LRRIQ3: variants seen among roughly 807,000 people sequenced by gnomAD.
The protein encoded by LRRIQ3 is leucine-rich repeat and IQ domain-containing protein 3.
In LRRIQ3, 75 loss-of-function variants were observed where a neutral mutation model predicts 59.3. The observed-to-expected ratio is 1.26, with a 90% CI of 1.05 to 1.53. LRRIQ3 has a LOEUF of 1.53. Ranked by LOEUF, LRRIQ3 falls within the 40% of genes most tolerant of loss-of-function variation. The pLI, the probability that LRRIQ3 is intolerant of heterozygous loss-of-function variation, is 0.00. For synonymous variants in LRRIQ3, 250 were observed against 231.3 expected, an observed-to-expected ratio of 1.08 and a Z score of -0.73; for missense variants, 831 against 710.0, an observed-to-expected ratio of 1.17 and a Z score of -1.94.
At chr1:74,111,130 C>CAAAAG (rs983114987) in intron 4 of LRRIQ3, among the ~76,000 whole-genome samples, 2 of 150,874 alleles carry the variant, frequency 1.3e-5, no homozygotes, top group Non-Finnish European at 3.0e-5. Context: ...AGTCAATTGC[C>CAAAAG]AAAAGAAAAG....
At chr1:74,033,765 T>C (rs1328157626) in intron 7 of LRRIQ3, among the ~76,000 whole-genome samples, 1 of 151,916 alleles carries the variant, frequency 6.6e-6, no homozygotes, top group East Asian at 1.9e-4. Context: ...TAAATGAAGA[T>C]GGTAGTATGG....
At chr1:74,082,401 T>C (rs1281529109) in intron 5 of LRRIQ3, 2 of 151,594 alleles carry the variant, frequency 1.3e-5, no homozygotes, top group Non-Finnish European at 3.0e-5. Context: ...TTTACACTGC[T>C]TAAGTAATTT....
rs1160279571 is a variant in LRRIQ3 at position 74,198,014 on chromosome 1, A to G, written c.-19T>C. 6.6e-6 allele frequency: 4 copies of G among 602,384 alleles called. No individual in the cohort carries two copies. Among genetic ancestry groups the G allele is most frequent in the Non-Finnish European group, 1.1e-5 (4 of 367,988 alleles). The allele number at this position is 602,384 out of a possible 1,614,324, so 37.3% of individuals were successfully genotyped here. On this transcript the variant is annotated 5_prime_UTR_variant, in exon 1 of 8. Transcript: ENST00000354431. ...CACTCACCGGGTCAACTGGGCTGCA[A>G]GCCCTTATGAGTTGGAGACAAGTGG...
intron 5 of LRRIQ3, among the ~76,000 whole-genome samples, chr1:74,081,712 C>T (rs1646274606): frequency 1.3e-5 from 2 of 151,236 alleles, no homozygotes; most frequent in Non-Finnish European, 3.0e-5. Context: ...CAATTCTATT[C>T]ACAACCCTAT....
At chr1:74,041,968 C>T (rs1480241276) in intron 6 of LRRIQ3, 35 bp from the exon 7 acceptor site, 29 of 1,502,324 alleles carry the variant, frequency 1.9e-5, no homozygotes, top group Non-Finnish European at 2.6e-5. Context: ...ATACATTATA[C>T]AAGAGCTAAG....
intron 6 of LRRIQ3, among the ~76,000 whole-genome samples, chr1:74,043,759 A>G (rs1654117797): frequency 6.6e-6 from 1 of 152,138 alleles, no homozygotes. Context: ...TACCTTATAC[A>G]CAAACAAAGG....
rs778546001 is a variant in LRRIQ3 at position 74,074,739 on chromosome 1, C to G, written c.919G>C (p.Val307Leu). Residue 307 changes from valine (V) to leucine (L), a missense_variant, in exon 6 of 8, where the codon GTG becomes CTG. Transcript: ENST00000354431. ...TTTAATTCACATAAAATAGATGACA[C>G]ATGTTTTCTGTGTTCACTGGAATTT... ...LKNSSEHRKH[V>L]SSILCELKPK... 6.9e-7 allele frequency: 1 copy of G among 1,444,712 alleles called. No homozygotes were observed. Among genetic ancestry groups the G allele is most frequent in the Non-Finnish European group, 9.4e-7 (1 of 1,069,096 alleles). 89.5% of individuals were successfully genotyped at this position (1,444,712 alleles called of 1,614,324 possible).
intron 1 of LRRIQ3, among the ~76,000 whole-genome samples, chr1:74,194,936 C>A (rs557954937): frequency 6.6e-6 from 1 of 152,020 alleles, no homozygotes; most frequent in East Asian, 1.9e-4. Context: ...CTTTCCCCTC[C>A]CCGAAACCTC....
intron 2 of LRRIQ3, 156 bp from the exon 3 acceptor site, chr1:74,183,017 C>T: frequency 2.1e-6 from 1 of 471,032 alleles, no homozygotes; most frequent in Non-Finnish European, 3.7e-6. Flanking sequence ...CCAATGATGG[C>T]CAGTTGAAAA....
intron 6 of LRRIQ3, among the ~76,000 whole-genome samples, chr1:74,058,050 T>C (rs377459463): frequency 7.9e-5 from 12 of 151,592 alleles, no homozygotes; most frequent in African/African-American, 2.9e-4. Flanking sequence ...ATGGCTATTA[T>C]CAAAAAAACA....
At chr1:74,049,384 T>C (rs971735857) in intron 6 of LRRIQ3, among the ~76,000 whole-genome samples, 3 of 152,136 alleles carry the variant, frequency 2.0e-5, no homozygotes, top group Non-Finnish European at 2.9e-5. Flanking sequence ...AAATTCTAAG[T>C]AGGGGACTGG....
chr1:74,187,352 T>TTATACACA (rs113116485), intron 1 of LRRIQ3, among the ~76,000 whole-genome samples: 2 of 145,580 alleles, frequency 1.4e-5, no homozygotes, highest in East Asian at 4.0e-4. Flanking sequence ...AGGTATATGT[T>TTATACACA]TACACACACA....
intron 6 of LRRIQ3, among the ~76,000 whole-genome samples, chr1:74,042,576 T>G (rs1408595521): frequency 6.6e-6 from 1 of 152,084 alleles, no homozygotes; most frequent in African/African-American, 2.4e-5. Flanking sequence ...TAGGTTGCAA[T>G]TCATTATGTA....
At chr1:74,121,560 G>A (rs1051263391) in intron 4 of LRRIQ3, among the ~76,000 whole-genome samples, 1 of 151,886 alleles carries the variant, frequency 6.6e-6, no homozygotes, top group South Asian at 2.1e-4. Context: ...TAGTAATTTT[G>A]GTTACAGATC....
At position 74,041,222 on chromosome 1, in the gene LRRIQ3, T is replaced by C; in HGVS notation, c.1709A>G (p.Lys570Arg). The C allele has an allele frequency of 2.5e-6, 4 of 1,575,430 alleles. No individual in the cohort carries two copies. The highest frequency in any genetic ancestry group is 3.4e-6 in the Non-Finnish European group (4 of 1,163,348). The change falls in exon 7 of 8, where the codon AAA (lysine) becomes AGA (arginine). Residue 570 changes from lysine to arginine, a missense_variant. Physicochemically the swap from Lys to Arg is conservative, Grantham distance 26. Transcript: ENST00000354431. ...TCTAAATTGTACCTACCTAACTTTTTTCATTTCTTTAAGTAAATTCTTTCT... is the reference window on the plus strand; with the variant it reads ...TCTAAATTGTACCTACCTAACTTTTCTCATTTCTTTAAGTAAATTCTTTCT... ...KYRKNLLKEM[K>R]KVRSQEIYKR...
At chr1:74,113,288 C>A (rs1200061560) in intron 4 of LRRIQ3, among the ~76,000 whole-genome samples, 1 of 151,652 alleles carries the variant, frequency 6.6e-6, no homozygotes, top group Non-Finnish European at 1.5e-5. Flanking sequence ...TTGAGGGATA[C>A]AATTAAGTCC....
chr1:74,084,626 G>A (rs1235238754), intron 5 of LRRIQ3, among the ~76,000 whole-genome samples: 2 of 151,730 alleles, frequency 1.3e-5, no homozygotes, highest in African/African-American at 4.8e-5. Context: ...TGTCTCTCTA[G>A]TAGTATTATC....
chr1:74,081,877 G>A (rs976593873), intron 5 of LRRIQ3: 7 of 151,076 alleles, frequency 4.6e-5, no homozygotes, highest in African/African-American at 7.3e-5. Flanking sequence ...CAAAGCATTC[G>A]TTGCATTCTA....
At chr1:74,181,539 C>T (rs1649976319) in intron 3 of LRRIQ3, 1 of 151,776 alleles carries the variant, frequency 6.6e-6, no homozygotes, top group African/African-American at 2.4e-5. Flanking sequence ...AAGGGTCATG[C>T]CTGTTGCCAC....
Sources: allele counts gnomAD v4.1 joint callset (sites outside exome capture counted in the v4.1 genomes callset), GRCh38; gene constraint gnomAD v4.1.1; transcripts MANE v1.5; gene names NCBI Gene and HGNC (gene_info 2026-07-23, HGNC 2026-07-21).